The following CWC27 variants were observed in gnomAD, a reference collection of about 807,000 sequenced individuals.
The protein encoded by CWC27 is spliceosome-associated protein CWC27 homolog.
In CWC27, 47 loss-of-function variants were observed where a neutral mutation model predicts 63.6. The ratio of observed to expected loss-of-function variants is 0.74; its 90% CI spans 0.58 to 0.94. CWC27 has a LOEUF of 0.94. Ranked by LOEUF, CWC27 falls within the 40% of genes least tolerant of loss-of-function variation. The pLI is 0.00. For missense variants in CWC27, 495 were observed against 554.3 expected, an observed-to-expected ratio of 0.89 and a Z score of 1.07; for synonymous variants, 175 against 179.8, an observed-to-expected ratio of 0.97 and a Z score of 0.22.
chr5:64,939,072 A>G (rs949314135), intron 11 of CWC27, among the ~76,000 whole-genome samples: 2 of 151,980 alleles, frequency 1.3e-5, no homozygotes, highest in Non-Finnish European at 2.9e-5. Flanking sequence ...AGCTCAAAGG[A>G]GTTTGTTATT....
At chr5:65,014,789 T>A (rs1750022781) in intron 13 of CWC27, among the ~76,000 whole-genome samples, 2 of 152,234 alleles carry the variant, frequency 1.3e-5, no homozygotes, top group African/African-American at 2.4e-5. Context: ...TCATAATAAC[T>A]GTTTTGTTTT....
chr5:64,891,244 A>C (rs1285710597), intron 11 of CWC27, among the ~76,000 whole-genome samples: 1 of 152,178 alleles, frequency 6.6e-6, no homozygotes, highest in Non-Finnish European at 1.5e-5. Context: ...ATTTTAATCA[A>C]TTAAAGATAA....
At chr5:64,917,908 C>T (rs6880059) in intron 11 of CWC27, among the ~76,000 whole-genome samples, 15,002 of 151,866 alleles carry the variant, frequency 0.099, 2,249 homozygotes, top group African/African-American at 0.33. Flanking sequence ...GCTCCATTAA[C>T]CTCTTTTATA....
chr5:64,822,280 A>G (rs1199346610), intron 10 of CWC27, among the ~76,000 whole-genome samples: 1 of 152,220 alleles, frequency 6.6e-6, no homozygotes, highest in African/African-American at 2.4e-5. Flanking sequence ...TCAGACATCT[A>G]CAATATCCAA....
chr5:64,885,449 G>T lies in CWC27; in HGVS notation c.945G>T (p.Glu315Asp), dbSNP rs866280738. The T allele has an allele frequency of 6.2e-7, 1 of 1,604,480 alleles. No individual in the cohort carries two copies. Among genetic ancestry groups the T allele is most frequent in the Non-Finnish European group, 8.5e-7 (1 of 1,175,282 alleles). Residue 315 changes from glutamate to aspartate, a missense_variant, in exon 11 of 14, where the codon GAG (glutamate) becomes GAT (aspartate). Around this residue, in one of 3 missense-constraint regions of CWC27, gnomAD observed 463 missense variants for 498.1 expected, o/e 0.93. Transcript: ENST00000381070. ...AACTCTTTTTGCTTTATAGTGAAGA[G>T]CTCAGAAAAGAAGCAAGACAATTAA... ...VEKKSVSRSE[E>D]LRKEARQLKR...
intron 13 of CWC27, among the ~76,000 whole-genome samples, chr5:64,999,035 GAA>G (rs959431095): frequency 6.6e-6 from 1 of 151,162 alleles, no homozygotes; most frequent in Non-Finnish European, 1.5e-5. Context: ...TGCTAAACAT[GAA>G]GAGTTCCAGT....
chr5:64,970,933 AAAGAG>A (rs966954111), intron 11 of CWC27, among the ~76,000 whole-genome samples: 1 of 149,242 alleles, frequency 6.7e-6, no homozygotes, highest in African/African-American at 2.5e-5. Flanking sequence ...TCTTCCAGCC[AAAGAG>A]AAGAGAGAGA....
intron 11 of CWC27, 152 bp downstream of exon 11, chr5:64,885,698 G>GTGTGTGTGTGTGTGTGTGTGTGT: frequency 3.9e-6 from 1 of 259,616 alleles, no homozygotes; most frequent in Non-Finnish European, 7.2e-6. Flanking sequence ...CTTGAGTTAG[G>GTGTGTGTGTGTGTGTGTGTGTGT]GTGTGTGTGT....
intron 11 of CWC27, among the ~76,000 whole-genome samples, chr5:64,916,757 C>A (rs183005050): frequency 2.0e-5 from 3 of 152,282 alleles, no homozygotes; most frequent in Admixed American, 2.0e-4. Flanking sequence ...ACCTATAACA[C>A]TTGGCCTCTC....
At chr5:64,832,814 G>A (rs554425852) in intron 10 of CWC27, among the ~76,000 whole-genome samples, 85 of 151,792 alleles carry the variant, frequency 5.6e-4, no homozygotes, top group African/African-American at 1.7e-3. Flanking sequence ...CAGTGAAAGA[G>A]CAAATCACAT....
intron 10 of CWC27, among the ~76,000 whole-genome samples, chr5:64,852,661 T>C (rs747341795): frequency 1.3e-5 from 2 of 151,960 alleles, no homozygotes; most frequent in Non-Finnish European, 2.9e-5. Context: ...TTAGGAGAGA[T>C]AGGGTTTCAC....
chr5:64,830,540 T>A (rs958815043), intron 10 of CWC27, among the ~76,000 whole-genome samples: 6 of 151,916 alleles, frequency 3.9e-5, no homozygotes, highest in African/African-American at 1.5e-4. Context: ...ACTAAAACAC[T>A]GAAAGCAATG....
intron 13 of CWC27, among the ~76,000 whole-genome samples, chr5:64,993,696 G>A (rs1749582106): frequency 6.6e-6 from 1 of 151,676 alleles, no homozygotes; most frequent in Non-Finnish European, 1.5e-5. Context: ...AGAGCATCTT[G>A]GAACAGAGAA....
chr5:64,933,056 C>T (rs1407045993), intron 11 of CWC27, among the ~76,000 whole-genome samples: 1 of 151,932 alleles, frequency 6.6e-6, no homozygotes, highest in Non-Finnish European at 1.5e-5. Context: ...AGTTGTTGAC[C>T]ATCTTATCCT....
chr5:64,818,540 A>G (rs1418033986), intron 10 of CWC27, among the ~76,000 whole-genome samples: 2 of 152,170 alleles, frequency 1.3e-5, no homozygotes, highest in South Asian at 4.1e-4. Flanking sequence ...CTTGGCTCCA[A>G]AGCATCCAGA....
chr5:64,889,271 T>A (rs970657398), intron 11 of CWC27, among the ~76,000 whole-genome samples: 1 of 152,182 alleles, frequency 6.6e-6, no homozygotes, highest in Non-Finnish European at 1.5e-5. Context: ...TATAGTTAGT[T>A]AATAGTATTG....
rs572106035 is a variant in CWC27 at position 64,871,321 on chromosome 5, A to T, written c.939-14122A>T. ...CAATATGATAAGCTTGATGGTAAGG[A>T]TAATATAGGGAGCTTGTGCATCAGT... On this transcript the variant is annotated intron_variant, in intron 10 of 13. Transcript: ENST00000381070. Among the ~76,000 whole-genome samples the T allele has an allele frequency of 7.9e-5, 12 of 152,230 alleles. 1 individual carries two copies. The South Asian group carries it at 2.1e-3, about 26-fold the overall frequency.
At chr5:64,883,055 A>G (rs1207455156) in intron 10 of CWC27, among the ~76,000 whole-genome samples, 1 of 152,196 alleles carries the variant, frequency 6.6e-6, no homozygotes, top group Non-Finnish European at 1.5e-5. Flanking sequence ...GGCCTCAGGA[A>G]ACTTACAATC....
At chr5:64,974,970 C>T (rs2968201) in intron 12 of CWC27, among the ~76,000 whole-genome samples, 69,152 of 152,006 alleles carry the variant, frequency 0.45, 15,903 homozygotes, top group African/African-American at 0.5. Flanking sequence ...AATTCTATAA[C>T]CTCTACTCTA....
Sources: allele counts gnomAD v4.1 joint callset (sites outside exome capture counted in the v4.1 genomes callset), GRCh38; gene constraint gnomAD v4.1.1; regional missense constraint gnomAD v4.1.1; transcripts MANE v1.5; gene names NCBI Gene and HGNC (gene_info 2026-07-23, HGNC 2026-07-21).